EYS: variants seen among roughly 807,000 people sequenced by gnomAD.
EYS encodes the protein protein eyes shut homolog.
In EYS, 250 loss-of-function variants were observed where a neutral mutation model predicts 282.1. The observed-to-expected ratio is 0.89, with a 90% CI of 0.80 to 0.98. The LOEUF is 0.98. EYS is among the 50% of genes least tolerant of loss of function. The pLI, the probability that EYS is intolerant of heterozygous loss-of-function variation, is 0.00. For synonymous variants in EYS, 1,355 were observed against 1,282.9 expected (o/e 1.06, Z -1.20); for missense variants, 4,016 against 3,709.0 (o/e 1.08, Z -2.15).
intron 41 of EYS, 146 bp downstream of exon 41, chr6:63,762,315 T>A (rs1337204772): frequency 3.1e-5 from 23 of 739,328 alleles, no homozygotes; most frequent in Non-Finnish European, 4.8e-5. Flanking sequence ...CTGTGAAGTA[T>A]AATGTCAAAT....
At chr6:65,626,995 C>A (rs1766721385) in intron 2 of EYS, among the ~76,000 whole-genome samples, 2 of 144,660 alleles carry the variant, frequency 1.4e-5, no homozygotes, top group South Asian at 4.5e-4. Context: ...TTTCAGCCTG[C>A]CTTTCTTTCT....
intron 12 of EYS, among the ~76,000 whole-genome samples, chr6:65,089,764 G>T (rs1774496620): frequency 6.6e-6 from 1 of 151,694 alleles, no homozygotes; most frequent in African/African-American, 2.4e-5. Context: ...GATCAGCCCA[G>T]CCAACATGAC....
chr6:65,147,417 T>A (rs1764506516), intron 12 of EYS, among the ~76,000 whole-genome samples: 2 of 152,088 alleles, frequency 1.3e-5, no homozygotes, highest in South Asian at 4.1e-4. Flanking sequence ...GATGAAAATG[T>A]TGCTTATCAA....
At chr6:64,127,285 G>A (rs1352283759) in intron 31 of EYS, among the ~76,000 whole-genome samples, 1 of 152,090 alleles carries the variant, frequency 6.6e-6, no homozygotes, top group East Asian at 1.9e-4. Context: ...TATTGTATGG[G>A]TATAATTCCT....
chr6:64,041,023 A>G (rs1314307522), intron 33 of EYS, among the ~76,000 whole-genome samples: 3 of 152,204 alleles, frequency 2.0e-5, no homozygotes, highest in Admixed American at 1.3e-4. Flanking sequence ...ATTCAGTTAC[A>G]TTTTAATTTT....
intron 12 of EYS, among the ~76,000 whole-genome samples, chr6:65,110,795 C>G (rs1178345534): frequency 6.6e-6 from 1 of 151,922 alleles, no homozygotes; most frequent in Non-Finnish European, 1.5e-5. Flanking sequence ...AACTTGTCCT[C>G]CATCGTCAAC....
intron 15 of EYS, among the ~76,000 whole-genome samples, chr6:64,935,726 A>G (rs1768885262): frequency 1.3e-5 from 2 of 151,762 alleles, no homozygotes; most frequent in African/African-American, 4.8e-5. Context: ...AGATAACTTT[A>G]CAGAAAGGTA....
intron 12 of EYS, among the ~76,000 whole-genome samples, chr6:65,075,573 A>G (rs1401882504): frequency 6.6e-6 from 1 of 152,018 alleles, no homozygotes; most frequent in African/African-American, 2.4e-5. Flanking sequence ...TGAACCCAAA[A>G]TGTTATACAA....
intron 2 of EYS, among the ~76,000 whole-genome samples, chr6:65,633,159 A>G (rs148030119): frequency 1.1e-4 from 16 of 152,222 alleles, no homozygotes; most frequent in African/African-American, 3.9e-4. Context: ...CCATCATAAG[A>G]TTTATTTTTT....
chr6:64,341,485 TA>T (rs1241262005), intron 29 of EYS, among the ~76,000 whole-genome samples: 1 of 151,402 alleles, frequency 6.6e-6, no homozygotes, highest in Non-Finnish European at 1.5e-5. Flanking sequence ...AAGTGGGAGG[TA>T]AGTATTGAGC....
chr6:65,238,286 G>T (rs1395854586), intron 12 of EYS, among the ~76,000 whole-genome samples: 1 of 150,146 alleles, frequency 6.7e-6, no homozygotes, highest in African/African-American at 2.4e-5. Context: ...TAATATTCAA[G>T]ATAGGCACAC....
chr6:64,969,988 A>G (rs1171164052), intron 14 of EYS, among the ~76,000 whole-genome samples: 1 of 152,184 alleles, frequency 6.6e-6, no homozygotes, highest in African/African-American at 2.4e-5. Flanking sequence ...AGCTATTTCT[A>G]TAATAAGAAT....
At chr6:64,928,206 G>T (rs909032905) in intron 15 of EYS, among the ~76,000 whole-genome samples, 4 of 151,600 alleles carry the variant, frequency 2.6e-5, no homozygotes, top group Non-Finnish European at 5.9e-5. Context: ...AAAGAGTAAG[G>T]GAAAAAGTCT....
intron 15 of EYS, among the ~76,000 whole-genome samples, chr6:64,925,888 G>C (rs1367967640): frequency 1.2e-4 from 18 of 152,146 alleles, no homozygotes. Flanking sequence ...AGCCCCAGTA[G>C]GGTTCGGAGT....
At chr6:64,313,931 C>G (rs1240849486) in intron 29 of EYS, among the ~76,000 whole-genome samples, 2 of 151,934 alleles carry the variant, frequency 1.3e-5, no homozygotes, top group Non-Finnish European at 2.9e-5. Flanking sequence ...TTGTGAAGAC[C>G]ACTGACGCTA....
chr6:65,598,434 C>T (rs1365740436), intron 2 of EYS, among the ~76,000 whole-genome samples: 1 of 151,872 alleles, frequency 6.6e-6, no homozygotes, highest in Non-Finnish European at 1.5e-5. Context: ...ATATTTATGC[C>T]ATCCAGCATC....
intron 31 of EYS, among the ~76,000 whole-genome samples, chr6:64,185,712 CTG>C (rs960523515): frequency 5.3e-5 from 8 of 152,190 alleles, no homozygotes; most frequent in East Asian, 1.9e-4. Context: ...TGGAAAAAAA[CTG>C]TGATTTTCAA....
intron 1 of EYS, among the ~76,000 whole-genome samples, chr6:65,676,135 T>A (rs1210971596): frequency 6.6e-6 from 1 of 151,666 alleles, no homozygotes; most frequent in Non-Finnish European, 1.5e-5. Context: ...AAAGAAAAGG[T>A]ATCTCAAATA....
chr6:65,363,406 T>A (rs1420847948), intron 8 of EYS, among the ~76,000 whole-genome samples: 2 of 151,986 alleles, frequency 1.3e-5, no homozygotes, highest in East Asian at 1.9e-4. Flanking sequence ...AGGTTCAAGA[T>A]AACCAACATT....
Sources: gnomAD v4.1 joint callset for allele counts (sites outside exome capture counted in the v4.1 genomes callset) on GRCh38, gnomAD v4.1.1 for gene constraint, MANE v1.5 for transcripts, NCBI Gene and HGNC (gene_info 2026-07-23, HGNC 2026-07-21) for gene names.